Variants in SHKBP1 observed in about 807,000 individuals in gnomAD.
SHKBP1 encodes the protein SH3KBP1 binding protein 1, also known as SH3KBP1-binding protein 1.
Under a neutral mutation model 83.9 loss-of-function variants are expected in SHKBP1, and 71 were observed. The observed-to-expected ratio is 0.85, with a 90% CI of 0.70 to 1.03. The LOEUF is 1.03. SHKBP1 is among the 50% of genes least tolerant of loss of function. The pLI is 0.00. For missense variants in SHKBP1, 824 were observed against 982.4 expected (o/e 0.84, Z 2.16); for synonymous variants, 371 against 398.0 (o/e 0.93, Z 0.81).
chr19:40,583,815 T>G, intron 12 of SHKBP1, 98 bp downstream of exon 12: 1 of 872,776 alleles, frequency 1.1e-6, no homozygotes, highest in Non-Finnish European at 1.9e-6. Flanking sequence ...CCAGAGGGGT[T>G]TATCGAGGGG....
Position 40,583,705 on chromosome 19 carries a change from A to G in SHKBP1, c.1153A>G (p.Thr385Ala), listed in dbSNP as rs1486978125. The G allele has an allele frequency of 6.2e-7, 1 of 1,611,940 alleles. No individual in the cohort carries two copies. The highest frequency in any genetic ancestry group is 8.5e-7 in the Non-Finnish European group (1 of 1,178,960). ...DGVTALSVYL[T>A]PKTSDSGNWI... is the part of the protein sequence containing the mutation. ...GGTCACCGCCCTCAGTGTCTACCTC[A>G]CCCCCAAGACCAGTAAGCTATGACC... The change falls in exon 12 of 18, where the codon ACC (threonine) becomes GCC (alanine). Residue 385 changes from threonine to alanine, a missense_variant. Transcript: ENST00000291842.
chr19:40,586,631 T>C, intron 12 of SHKBP1, 143 bp from the exon 13 acceptor site: 2 of 783,534 alleles, frequency 2.6e-6, no homozygotes, highest in Non-Finnish European at 3.6e-6. Flanking sequence ...CTTCCCAAAG[T>C]GATGGGATTA....
In SHKBP1 at chr19:40,586,889, T is replaced by G; in HGVS notation, c.1281T>G (p.Thr427=). 1 of 1,612,278 alleles carries G rather than the reference T, an allele frequency of 6.2e-7. No individual in the cohort carries two copies. Among genetic ancestry groups the G allele is most frequent in the Non-Finnish European group, 8.5e-7 (1 of 1,178,808 alleles). Residue 427 remains threonine (T), a synonymous_variant, in exon 13 of 18, where the codon ACT becomes ACG. Coordinates refer to ENST00000291842, the MANE Select transcript of SHKBP1 (RefSeq NM_138392.4). The stretch of plus-strand genomic sequence containing the variant: ...GGCCTCAGCTCTTCCAGACCTTCAC[T>G]GTGCACCGCAGCCCTGTCACCAAGA... ...GSGPQLFQTF[T]VHRSPVTKIM... is the part of the protein sequence containing the mutation.
At chr19:40,583,109 C>T (rs1162568652) in intron 10 of SHKBP1, among the ~76,000 whole-genome samples, 5 of 151,976 alleles carry the variant, frequency 3.3e-5, no homozygotes, top group African/African-American at 7.3e-5. Flanking sequence ...AGGAGTTTGA[C>T]GCCAGCCTGG....
intron 11 of SHKBP1, 55 bp from the exon 12 acceptor site, chr19:40,583,546 G>A: frequency 3.1e-6 from 5 of 1,611,374 alleles, no homozygotes; most frequent in Non-Finnish European, 4.2e-6. Flanking sequence ...GGAAGGGAGG[G>A]AGAGAGGCTG....
chr19:40,590,179 G>C lies in SHKBP1; in HGVS notation c.1590-65G>C, dbSNP rs2081345777. ...AGAGGCAGGAACTGCAGCCACAGTG[G>C]TGGGGACTGGGACGAGGAAGGGTGA... On this transcript the variant is annotated intron_variant, in intron 15 of 17. Coordinates refer to ENST00000291842, the MANE Select transcript of SHKBP1 (RefSeq NM_138392.4). This position sits in a 1 kb window ranked among gnomAD's most constrained non-coding sequence, Gnocchi z 4.6. The C allele has an allele frequency of 4.1e-6, 6 of 1,465,540 alleles. No homozygotes were observed. In the East Asian group the frequency reaches 1.3e-4, roughly 31 times the overall value. The allele number at this position is 1,465,540 out of a possible 1,614,324, so 90.8% of individuals were successfully genotyped here.
intron 4 of SHKBP1, 61 bp downstream of exon 4, chr19:40,577,691 A>G (rs781127152): frequency 6.4e-7 from 1 of 1,557,406 alleles, no homozygotes; most frequent in Non-Finnish European, 8.9e-7. Context: ...GAGTTCTTTC[A>G]CCTCCTCTGA....
At position 40,591,375 on chromosome 19, in the gene SHKBP1, C is replaced by A; in HGVS notation, c.*168C>A. The stretch of plus-strand genomic sequence containing the variant: ...TTTTCTGGAAGCCAAAGTCACCCTC[C>A]CCAATAAAGTCCTCACTGCCAACAT... On this transcript the variant is annotated 3_prime_UTR_variant, in exon 18 of 18. Coordinates refer to ENST00000291842, the MANE Select transcript of SHKBP1 (RefSeq NM_138392.4). The A allele has an allele frequency of 1.8e-6, 1 of 561,068 alleles. No homozygotes were observed. The highest frequency in any genetic ancestry group is 3.0e-6 in the Non-Finnish European group (1 of 331,534). The allele number at this position is 561,068 out of a possible 1,614,324, so 34.8% of individuals were successfully genotyped here.
intron 15 of SHKBP1, among the ~76,000 whole-genome samples, chr19:40,589,508 G>T (rs1467400706): frequency 1.6e-5 from 2 of 122,540 alleles, no homozygotes; most frequent in Non-Finnish European, 3.5e-5. Context: ...AGGGGGAGAG[G>T]TCGGGGTGGG....
chr19:40,585,749 C>A (rs1437422228), intron 12 of SHKBP1: 1 of 151,802 alleles, frequency 6.6e-6, no homozygotes, highest in South Asian at 2.1e-4. Flanking sequence ...GGTTTTGCCA[C>A]GTTGGCTAAG....
At chr19:40,588,817 C>T in intron 14 of SHKBP1, 38 bp downstream of exon 14, 1 of 1,605,624 alleles carries the variant, frequency 6.2e-7, no homozygotes, top group Non-Finnish European at 8.5e-7. Flanking sequence ...CCCACTGACC[C>T]CCTTACCTGA....
intron 13 of SHKBP1, among the ~76,000 whole-genome samples, 167 bp from the exon 14 acceptor site, chr19:40,588,457 A>G (rs1166882392): frequency 1.3e-5 from 2 of 152,210 alleles, no homozygotes; most frequent in Admixed American, 6.5e-5. Context: ...GGCAGAGGCA[A>G]CAGGGTTTTT....
Position 40,577,272 on chromosome 19 carries a change from CCTT to C in SHKBP1, c.134_136del (p.Phe45del), listed in dbSNP as rs767470501. On this transcript the variant is annotated inframe_deletion, in exon 2 of 18. Transcript: ENST00000291842. ...CAGACTCTCACCTGGATCCCAGACT[CCTT>C]CTTCTCCAGGTGATCGGGAGAGCGA... 8.2e-5 allele frequency: 132 copies of C among 1,613,994 alleles called. No homozygotes were observed. Among genetic ancestry groups the C allele is most frequent in the Non-Finnish European group, 1.0e-4 (118 of 1,180,020 alleles).
At chr19:40,585,173 G>A (rs1022029295) in intron 12 of SHKBP1, among the ~76,000 whole-genome samples, 1 of 152,008 alleles carries the variant, frequency 6.6e-6, no homozygotes, top group Non-Finnish European at 1.5e-5. Flanking sequence ...GTGGCATGAT[G>A]TGAGTTCTCT....
At chr19:40,581,640 G>A (rs935501333) in intron 9 of SHKBP1, among the ~76,000 whole-genome samples, 5 of 152,168 alleles carry the variant, frequency 3.3e-5, no homozygotes, top group African/African-American at 1.2e-4. Context: ...GAGGCCAGGA[G>A]TTCGAGGCTG....
rs756676982 is a variant in SHKBP1 at position 40,578,545 on chromosome 19, A to G, written c.400+3A>G. 21 of 1,610,414 alleles carry G rather than the reference A, an allele frequency of 1.3e-5. No individual in the cohort carries two copies. The East Asian group carries it at 2.9e-4, about 22-fold the overall frequency. ...CAATGGTTACCTGCCGCCACCAGGT[A>G]GGCACTCCCAATGGAATGGAGGGGC... On this transcript the variant is annotated splice_donor_region_variant and intron_variant, in intron 6 of 17. Coordinates refer to ENST00000291842, the MANE Select transcript of SHKBP1 (RefSeq NM_138392.4).
intron 15 of SHKBP1, among the ~76,000 whole-genome samples, chr19:40,589,883 G>C (rs1343776418): frequency 6.6e-6 from 1 of 152,018 alleles, no homozygotes; most frequent in African/African-American, 2.4e-5. Flanking sequence ...CTGAGGCTTT[G>C]TCCTGTGCGG....
At position 40,590,232 on chromosome 19, in the gene SHKBP1, T is replaced by C. The variant is rs1393521303; in HGVS notation, c.1590-12T>C. 5 of 1,556,106 alleles carry C rather than the reference T, an allele frequency of 3.2e-6. No homozygotes were observed. The highest frequency in any genetic ancestry group is 2.4e-5 in the East Asian group (1 of 42,242). ...AAGCGAGGGTGACCACCTCCCCCAC[T>C]GCACCCCCCAGGGTGTGCTCCGTGC... On this transcript the variant is annotated splice_polypyrimidine_tract_variant and intron_variant, in intron 15 of 17. Coordinates refer to ENST00000291842, the MANE Select transcript of SHKBP1 (RefSeq NM_138392.4). The surrounding 1 kb of genome is among the most constrained non-coding windows in gnomAD (Gnocchi z 4.6).
chr19:40,576,904 C>T lies in SHKBP1; in HGVS notation c.5C>T (p.Ala2Val), dbSNP rs1218578436. The T allele has an allele frequency of 1.4e-6, 2 of 1,465,148 alleles. No individual in the cohort carries two copies. The highest frequency in any genetic ancestry group is 2.9e-5 in the African/African-American group (2 of 69,552). The allele number at this position is 1,465,148 out of a possible 1,614,324, so 90.8% of individuals were successfully genotyped here. The change falls in exon 1 of 18, where the codon GCA (alanine) becomes GTA (valine). Residue 2 changes from alanine (A) to valine (V), a missense_variant. Coordinates refer to ENST00000291842, the MANE Select transcript of SHKBP1 (RefSeq NM_138392.4). M[A>V]AAATAAEGVP... Reference sequence around the variant, plus strand: ...CAGCCGGCTCGCCCGGGGGCCATGGCAGCAGCGGCTACTGCAGCCGAGGGG... The same window carrying T: ...CAGCCGGCTCGCCCGGGGGCCATGGTAGCAGCGGCTACTGCAGCCGAGGGG...
Sources: gnomAD v4.1 joint callset for allele counts (sites outside exome capture counted in the v4.1 genomes callset) on GRCh38, gnomAD v4.1.1 for gene constraint, Gnocchi (gnomAD v3.1) non-coding constraint, MANE v1.5 for transcripts, NCBI Gene and HGNC (gene_info 2026-07-23, HGNC 2026-07-21) for gene names.